GPR19: variants seen among roughly 807,000 people sequenced by gnomAD.
The protein encoded by GPR19 is probable G protein-coupled receptor 19.
GPR19 carries 14 observed loss-of-function variants against 28.5 expected under a neutral mutation model. The observed-to-expected ratio is 0.49, with a 90% CI of 0.32 to 0.77. GPR19 has a LOEUF of 0.77. GPR19 is among the 30% of genes least tolerant of loss of function. The pLI is 0.03. For missense variants in GPR19, 409 were observed against 504.1 expected (o/e 0.81, Z 1.81); for synonymous variants, 173 against 184.1 (o/e 0.94, Z 0.49).
chr12:12,708,579 C>T, the GPR19 span, among the ~76,000 whole-genome samples: 1 of 152,206 alleles, frequency 6.6e-6, no homozygotes, highest in South Asian at 2.1e-4. Context: ...CTGGACTCAG[C>T]TTAAGTAGGA....
the GPR19 span, among the ~76,000 whole-genome samples, chr12:12,713,057 CTTTT>C: frequency 1.9e-5 from 2 of 108,084 alleles, no homozygotes; most frequent in Admixed American, 1.1e-4. Context: ...ATCTGATGCG[CTTTT>C]TTTTTTTTTT....
At chr12:12,687,821 G>A (rs74061757) in intron 2 of GPR19, among the ~76,000 whole-genome samples, 2,083 of 152,254 alleles carry the variant, frequency 0.014, 46 homozygotes, top group African/African-American at 0.047. Context: ...TACCAGGCAC[G>A]GTGGCATGTG....
At position 12,660,921 on chromosome 12, in the gene GPR19, C is replaced by T; in HGVS notation, c.*280G>A. 1 of 276,668 alleles carries T rather than the reference C, an allele frequency of 3.6e-6. No homozygotes were observed. 17.1% of individuals were successfully genotyped at this position (276,668 alleles called of 1,614,324 possible). On this transcript the variant is annotated 3_prime_UTR_variant, in exon 4 of 4. Transcript: ENST00000651487. ...TATGGCTTAGGTTTATGTTTTTGAA[C>T]CAACAGTAAATAGTAAGAAAGCATT...
the GPR19 span, among the ~76,000 whole-genome samples, chr12:12,702,953 A>C: frequency 6.6e-6 from 1 of 152,260 alleles, no homozygotes; most frequent in Non-Finnish European, 1.5e-5. Flanking sequence ...AGTGCAAAAG[A>C]GAATCTACCG....
intron 3 of GPR19, among the ~76,000 whole-genome samples, chr12:12,673,002 G>C (rs1825121281): frequency 6.6e-6 from 1 of 152,176 alleles, no homozygotes; most frequent in Non-Finnish European, 1.5e-5. Flanking sequence ...ATTCAGAAAT[G>C]ATTAGTGCTA....
At chr12:12,694,052 G>A (rs1946223803) in intron 2 of GPR19, among the ~76,000 whole-genome samples, 1 of 151,938 alleles carries the variant, frequency 6.6e-6, no homozygotes, top group Non-Finnish European at 1.5e-5. Context: ...CAAAATGGAG[G>A]GTTTTAAGAA....
chr12:12,685,929 G>C (rs74719001), intron 2 of GPR19, among the ~76,000 whole-genome samples: 4,750 of 152,238 alleles, frequency 0.031, 114 homozygotes, highest in South Asian at 0.048. Context: ...CCTGACTGTC[G>C]ATGCTAGGAA....
intron 3 of GPR19, among the ~76,000 whole-genome samples, chr12:12,678,073 C>CAAAAAAA (rs56014911): frequency 2.2e-5 from 1 of 46,136 alleles, no homozygotes; most frequent in Non-Finnish European, 4.3e-5. Flanking sequence ...GACTCTGTCT[C>CAAAAAAA]AAAAAAAAAA....
Position 12,662,182 on chromosome 12 carries a change from G to T in GPR19, c.267C>A (p.Val89=). The T allele has an allele frequency of 3.1e-6, 5 of 1,614,210 alleles. No individual in the cohort carries two copies. The South Asian group carries it at 4.4e-5, about 14-fold the overall frequency. ...SIFGNSLVCL[V]IHRSRRTQST... ...ACTGAGTCCTCCTACTCCTATGGAT[G>T]ACCAAACAAACCAGGGAATTGCCGA... The change falls in exon 4 of 4, where the codon GTC becomes GTA. Residue 89 remains valine, a synonymous_variant. Transcript: ENST00000651487.
intron 3 of GPR19, among the ~76,000 whole-genome samples, chr12:12,680,224 C>T (rs1307300858): frequency 6.6e-6 from 1 of 152,138 alleles, no homozygotes; most frequent in Non-Finnish European, 1.5e-5. Context: ...AAAAAGAGCA[C>T]AGAATTAAAA....
chr12:12,709,895 C>T, the GPR19 span, among the ~76,000 whole-genome samples: 7 of 152,180 alleles, frequency 4.6e-5, no homozygotes, highest in African/African-American at 1.4e-4. Flanking sequence ...CAACCACCTC[C>T]TCTCCCCTTG....
At chr12:12,665,567 G>C (rs984123987) in intron 3 of GPR19, among the ~76,000 whole-genome samples, 1 of 152,096 alleles carries the variant, frequency 6.6e-6, no homozygotes, top group African/African-American at 2.4e-5. Flanking sequence ...GGCCGAGCGC[G>C]GTGGCTCACG....
At position 12,662,068 on chromosome 12, in the gene GPR19, G is replaced by A. The variant is rs549643819; in HGVS notation, c.381C>T (p.Thr127=). ...CACTACCCAGCGTCCACCTTCCAGT[G>A]GTGAACTGGAGCAGGACGAAAGGCG... is the stretch of plus-strand genomic sequence containing the variant. ...ASTPFVLLQF[T]TGRWTLGSAT... is the part of the protein sequence containing the mutation. Residue 127 remains threonine (T), a synonymous_variant, in exon 4 of 4, where the codon ACC becomes ACT. Coordinates refer to ENST00000651487, the MANE Select transcript of GPR19 (RefSeq NM_006143.3). 4.3e-6 allele frequency: 7 copies of A among 1,614,044 alleles called. No individual in the cohort carries two copies. The highest frequency in any genetic ancestry group is 5.9e-6 in the Non-Finnish European group (7 of 1,179,970).
chr12:12,696,274 C>A (rs1245960530), upstream of GPR19: 4 of 149,870 alleles, frequency 2.7e-5, no homozygotes, highest in Non-Finnish European at 5.9e-5. Context: ...TCAGGCAGAT[C>A]TCGCGTGGTT....
At chr12:12,699,737 T>G (rs144354709), upstream of GPR19, among the ~76,000 whole-genome samples, 7 of 152,328 alleles carry the variant, frequency 4.6e-5, no homozygotes, top group Non-Finnish European at 8.8e-5. Flanking sequence ...AGGAAGCAGA[T>G]GCACTCTACT....
In GPR19 at chr12:12,661,598, A is replaced by G. The variant is rs1160339247; in HGVS notation, c.851T>C (p.Leu284Ser). 1 of 1,614,158 alleles carries G rather than the reference A, an allele frequency of 6.2e-7. No individual in the cohort carries two copies. The highest frequency in any genetic ancestry group is 1.7e-5 in the Admixed American group (1 of 60,012). ...AAAAGGCAGCCAGGAGAGCAAAAAC[A>G]ACAGATTTAAAATGAGGAACATCTT... ...TIKMFLILNL[L>S]FLLSWLPFHV... Residue 284 changes from leucine (L) to serine (S), a missense_variant, in exon 4 of 4, where the codon TTG (leucine) becomes TCG (serine). Leu to Ser is a moderately radical substitution (Grantham distance 145). Coordinates refer to ENST00000651487, the MANE Select transcript of GPR19 (RefSeq NM_006143.3). The surrounding 1 kb of genome is among the most constrained non-coding windows in gnomAD (Gnocchi z 4.2).
At chr12:12,671,609 AT>A (rs910422587) in intron 3 of GPR19, among the ~76,000 whole-genome samples, 4 of 151,742 alleles carry the variant, frequency 2.6e-5, no homozygotes, top group South Asian at 2.1e-4. Flanking sequence ...TGGGAACATA[AT>A]TTTTTTTTAA....
intron 2 of GPR19, among the ~76,000 whole-genome samples, chr12:12,691,606 A>T (rs1050133438): frequency 1.1e-4 from 17 of 152,274 alleles, no homozygotes; most frequent in African/African-American, 4.1e-4. Flanking sequence ...TATACTACTT[A>T]TACGATTGCA....
the GPR19 span, among the ~76,000 whole-genome samples, chr12:12,706,730 A>G: frequency 1.3e-5 from 2 of 152,216 alleles, no homozygotes; most frequent in South Asian, 2.1e-4. Flanking sequence ...ACCATTTCCA[A>G]ATCTTCAGCA....
Sources: gnomAD v4.1 joint callset for allele counts (sites outside exome capture counted in the v4.1 genomes callset) on GRCh38, gnomAD v4.1.1 for gene constraint, Gnocchi (gnomAD v3.1) non-coding constraint, MANE v1.5 for transcripts, NCBI Gene and HGNC (gene_info 2026-07-23, HGNC 2026-07-21) for gene names.